The following PKP3 variants were observed in gnomAD, a reference collection of about 807,000 sequenced individuals.
PKP3 encodes plakophilin-3.
In PKP3, 66 loss-of-function variants were observed where a neutral mutation model predicts 76.5. The observed-to-expected ratio is 0.86, with a 90% CI of 0.71 to 1.06. The LOEUF is 1.06. PKP3 is among the 50% of genes least tolerant of loss of function. The pLI is 0.00. For missense variants in PKP3, 1,338 were observed against 1,141.0 expected (o/e 1.17, Z -2.49); for synonymous variants, 638 against 516.5 (o/e 1.24, Z -3.19).
At chr11:400,296 G>A (rs1378377891) in intron 6 of PKP3, 38 bp from the exon 7 acceptor site, 1 of 1,496,758 alleles carries the variant, frequency 6.7e-7, no homozygotes, top group South Asian at 1.2e-5. Context: ...CCCGGGATGC[G>A]GGGTCCCTGG....
chr11:403,898 G>C, intron 10 of PKP3, 45 bp from the exon 11 acceptor site: 1 of 1,568,812 alleles, frequency 6.4e-7, no homozygotes. Flanking sequence ...CAGGTGCCCA[G>C]GTGGCCAGGA....
upstream of PKP3, among the ~76,000 whole-genome samples, chr11:393,289 C>T (rs1427311421): frequency 1.3e-5 from 2 of 151,758 alleles, no homozygotes; most frequent in Non-Finnish European, 2.9e-5. Context: ...TCCATCCAGG[C>T]CTCTGCTCTT....
chr11:399,914 A>G lies in PKP3; in HGVS notation c.1274-53A>G, dbSNP rs923547227. 1.0e-5 allele frequency: 15 copies of G among 1,453,002 alleles called. No individual in the cohort carries two copies. In the African/African-American group the frequency reaches 1.3e-4, roughly 12 times the overall value. The allele number at this position is 1,453,002 out of a possible 1,614,324, so 90.0% of individuals were successfully genotyped here. ...GGACCTCTTCACACCATCCCCAGAA[A>G]CGCGGAGGGGGTTGGAGGGCAGACG... On this transcript the variant is annotated intron_variant, in intron 5 of 12. Transcript: ENST00000331563.
chr11:396,751 C>T (rs1847050613), intron 2 of PKP3, 63 bp from the exon 3 acceptor site: 2 of 1,574,666 alleles, frequency 1.3e-6, no homozygotes, highest in Admixed American at 3.5e-5. Flanking sequence ...GTGGGAGGCT[C>T]TGCAGCGGGC....
intron 1 of PKP3, among the ~76,000 whole-genome samples, chr11:395,652 G>A (rs570141261): frequency 6.6e-6 from 1 of 152,348 alleles, no homozygotes; most frequent in African/African-American, 2.4e-5. Flanking sequence ...CCCCGGCCCA[G>A]AAGCCCCATT....
At position 397,061 on chromosome 11, in the gene PKP3, GGCCCGGGGGCCTGGACGACCGCTACA is replaced by G. The variant is rs747325547; in HGVS notation, c.564_589del (p.Gly190ValfsTer2). 1 of 1,598,930 alleles carries G rather than the reference GGCCCGGGGGCCTGGACGACCGCTACA, an allele frequency of 6.3e-7. No homozygotes were observed. The highest frequency in any genetic ancestry group is 8.5e-7 in the Non-Finnish European group (1 of 1,179,592). Reference sequence around the variant, plus strand: ...CTCTCCCTGCGCTCGCTGCGGCTGGGGCCCGGGGGCCTGGACGACCGCTACAGCCTGGTGTCTGAGCAGCTGGAGCC... The same window carrying G: ...CTCTCCCTGCGCTCGCTGCGGCTGGGGCCTGGTGTCTGAGCAGCTGGAGCC... On this transcript the variant is annotated frameshift_variant, in exon 3 of 13. Coordinates refer to ENST00000331563, the MANE Select transcript of PKP3 (RefSeq NM_007183.4). LOFTEE classifies it high-confidence loss of function.
chr11:394,097 G>A (rs1005395793), upstream of PKP3: 22 of 761,344 alleles, frequency 2.9e-5, no homozygotes, highest in African/African-American at 2.2e-4. Context: ...TTAAGCAGGC[G>A]GCGGCCCCTC....
Position 397,678 on chromosome 11 carries a change from AC to A in PKP3, c.1068+19del. The A allele has an allele frequency of 6.2e-7, 1 of 1,606,172 alleles. No individual in the cohort carries two copies. The highest frequency in any genetic ancestry group is 2.2e-5 in the East Asian group (1 of 44,772). ...CAAGAAGCAGGTGACCACCCCGACCACCCACTCGCTGCCCCCTGGTGACCTC... is the reference window on the plus strand; with the variant it reads ...CAAGAAGCAGGTGACCACCCCGACCACCACTCGCTGCCCCCTGGTGACCTC... On this transcript the variant is annotated intron_variant, in intron 4 of 12. Transcript: ENST00000331563.
At position 394,491 on chromosome 11, in the gene PKP3, G is replaced by T; in HGVS notation, c.199G>T (p.Ala67Ser). 1.3e-5 allele frequency: 19 copies of T among 1,411,600 alleles called. No homozygotes were observed. The highest frequency in any genetic ancestry group is 3.0e-5 in the East Asian group (1 of 33,670). The allele number at this position is 1,411,600 out of a possible 1,614,324, so 87.4% of individuals were successfully genotyped here. Residue 67 changes from alanine (A) to serine (S), a missense_variant, in exon 1 of 13, where the codon GCT (alanine) becomes TCT (serine). Ala to Ser is a moderately conservative substitution (Grantham distance 99, BLOSUM62 1). Transcript: ENST00000331563. ...LGQQPRHNGA[A>S]EPEPEAETAR... ...ACAGCAGCCGCGGCACAACGGGGCC[G>T]CTGAGCCCGAGCCTGAGGCCGAGAC...
rs544269907 is a variant in PKP3, at chr11:396,821, G to A, written c.320G>A (p.Arg107Gln). 8.8e-6 allele frequency: 14 copies of A among 1,587,394 alleles called. No homozygotes were observed. The East Asian group carries it at 1.4e-4, about 15-fold the overall frequency. The change falls in exon 3 of 13, where the codon CGG (arginine) becomes CAG (glutamine). Residue 107 changes from arginine to glutamine, a missense_variant. Physicochemically the swap from Arg to Gln is conservative, Grantham distance 43. Coordinates refer to ENST00000331563, the MANE Select transcript of PKP3 (RefSeq NM_007183.4). ...CCCCCTCTCGACCCACAGGGCTTCC[G>A]GCCCATCGCCAAGCCGGCCTACAGC... ...GLSGDKTSGF[R>Q]PIAKPAYSPA...
Position 404,577 on chromosome 11 carries a change from CT to C in PKP3, c.*10del, listed in dbSNP as rs1177909842. 3 of 1,612,162 alleles carry C rather than the reference CT, an allele frequency of 1.9e-6. No individual in the cohort carries two copies. ...GACTTCCTGGGCCCATAGGTGAAGCCTTCTGGAGGAGAAGGTGACGTGGCCC... is the reference window on the plus strand; with the variant it reads ...GACTTCCTGGGCCCATAGGTGAAGCCTCTGGAGGAGAAGGTGACGTGGCCC... On this transcript the variant is annotated 3_prime_UTR_variant, in exon 13 of 13. Transcript: ENST00000331563. The surrounding 1 kb of genome is among the most constrained non-coding windows in gnomAD (Gnocchi z 4.2).
chr11:400,563 G>C lies in PKP3; in HGVS notation c.1595G>C (p.Arg532Pro). Residue 532 changes from arginine (R) to proline (P), a missense_variant, in exon 8 of 13, where the codon CGG becomes CCG. Arg to Pro is a moderately radical substitution (Grantham distance 103). Coordinates refer to ENST00000331563, the MANE Select transcript of PKP3 (RefSeq NM_007183.4). ...GTGGAGAACGCGGTGTGCGTCCTGC[G>C]GAACCTGTCCTACCGCCTCTACGAC... ...KSVENAVCVL[R>P]NLSYRLYDEM... 6.7e-7 allele frequency: 1 copy of C among 1,496,066 alleles called. No individual in the cohort carries two copies. Among genetic ancestry groups the C allele is most frequent in the Non-Finnish European group, 8.8e-7 (1 of 1,130,298 alleles). The allele number at this position is 1,496,066 out of a possible 1,614,324, so 92.7% of individuals were successfully genotyped here.
chr11:397,024 G>A lies in PKP3; in HGVS notation c.523G>A (p.Asp175Asn), dbSNP rs780391719. Residue 175 changes from aspartate to asparagine, a missense_variant, in exon 3 of 13, where the codon GAC becomes AAC. By Grantham distance (23) the Asp-to-Asn change is conservative (BLOSUM62 1). Coordinates refer to ENST00000331563, the MANE Select transcript of PKP3 (RefSeq NM_007183.4). ...GCGCGGTGGGGTTGGGAGCCGGGCC[G>A]ACTATGACACACTCTCCCTGCGCTC... ...HERGGVGSRADYDTLSLRSLR... is the reference protein window; with the variant it reads ...HERGGVGSRANYDTLSLRSLR... The A allele has an allele frequency of 1.5e-5, 24 of 1,599,698 alleles. No homozygotes were observed. The highest frequency in any genetic ancestry group is 1.6e-4 in the Middle Eastern group (1 of 6,074).
At chr11:392,808 C>G (rs1469436572), upstream of PKP3, 1 of 532,016 alleles carries the variant, frequency 1.9e-6, no homozygotes, top group Admixed American at 2.4e-5. Flanking sequence ...CCCCTTTAAC[C>G]CCCCACGCTG....
At position 394,417 on chromosome 11, in the gene PKP3, G is replaced by A. The variant is rs890676563; in HGVS notation, c.125G>A (p.Arg42Gln). The A allele has an allele frequency of 8.0e-5, 117 of 1,471,310 alleles. No individual in the cohort carries two copies. Among genetic ancestry groups the A allele is most frequent in the East Asian group, 7.6e-4 (27 of 35,518 alleles). 91.1% of individuals were successfully genotyped at this position (1,471,310 alleles called of 1,614,324 possible). A position where few individuals can be genotyped will look rare whatever the true frequency, so the allele number is the denominator to read the frequency against. The change falls in exon 1 of 13, where the codon CGG (arginine) becomes CAG (glutamine). Residue 42 changes from arginine (R) to glutamine (Q), a missense_variant. Arg to Gln is a conservative substitution (Grantham distance 43, BLOSUM62 1). Coordinates refer to ENST00000331563, the MANE Select transcript of PKP3 (RefSeq NM_007183.4). ...GAGGGGCCGGAGGCCGAGCGGCTGCGGGCAGCCCGCGTCCAGGAGCAGGTC... is the reference window on the plus strand; with the variant it reads ...GAGGGGCCGGAGGCCGAGCGGCTGCAGGCAGCCCGCGTCCAGGAGCAGGTC... ...GAEGPEAERL[R>Q]AARVQEQVRA... is the part of the protein sequence containing the mutation.
At position 403,248 on chromosome 11, in the gene PKP3, G is replaced by C; in HGVS notation, c.1908G>C (p.Thr636=). Residue 636 remains threonine, a synonymous_variant, in exon 9 of 13, where the codon ACG becomes ACC. Coordinates refer to ENST00000331563, the MANE Select transcript of PKP3 (RefSeq NM_007183.4). ...EAAAGALQNI[T]AGDRRWAGVL... is the part of the protein sequence containing the mutation. The stretch of plus-strand genomic sequence containing the variant: ...CCGCCGGGGCGCTGCAGAACATCAC[G>C]GCAGGCGACCGCAGGGTGGGGCACC... The C allele has an allele frequency of 6.3e-7, 1 of 1,581,568 alleles. No individual in the cohort carries two copies. The highest frequency in any genetic ancestry group is 8.6e-7 in the Non-Finnish European group (1 of 1,168,516).
intron 4 of PKP3, 46 bp downstream of exon 4, chr11:397,708 C>T (rs773683560): frequency 1.1e-5 from 18 of 1,583,786 alleles, no homozygotes; most frequent in African/African-American, 2.7e-5. Flanking sequence ...TGACCTCCTT[C>T]GTGGGCCCCA....
chr11:392,653 C>T (rs1590349764), upstream of PKP3: 1 of 1,286,968 alleles, frequency 7.8e-7, no homozygotes, highest in East Asian at 5.5e-5. Context: ...CCTCGGCCGT[C>T]AGCAGTGGCC....
chr11:397,452 G>T lies in PKP3; in HGVS notation c.944+7G>T, dbSNP rs377573591. On this transcript the variant is annotated splice_region_variant and intron_variant, in intron 3 of 12. Transcript: ENST00000331563. ...TGCAGAGACTCAGCAGCGGGTGAGC[G>T]GCTGGGCCCGGCTCAGGGAGGGGGC... 8 of 1,612,002 alleles carry T rather than the reference G, an allele frequency of 5.0e-6. No homozygotes were observed. Among genetic ancestry groups the T allele is most frequent in the South Asian group, 1.1e-5 (1 of 91,054 alleles).
Sources: allele counts gnomAD v4.1 joint callset (sites outside exome capture counted in the v4.1 genomes callset), GRCh38; gene constraint gnomAD v4.1.1; non-coding constraint Gnocchi (gnomAD v3.1); transcripts MANE v1.5; gene names NCBI Gene and HGNC (gene_info 2026-07-23, HGNC 2026-07-21).